NXPH1: variants seen among roughly 807,000 people sequenced by gnomAD.
The protein encoded by NXPH1 is neurexophilin-1.
Under a neutral mutation model 23.7 loss-of-function variants are expected in NXPH1, and 5 were observed. The observed-to-expected ratio is 0.21, with a 90% CI of 0.11 to 0.44. NXPH1 has a LOEUF of 0.44. NXPH1 is among the 20% of genes least tolerant of loss of function. The probability of loss-of-function intolerance (pLI) is 0.99; values close to 1 mark genes in which losing one functional copy is unlikely to be tolerated. For synonymous variants in NXPH1, 144 were observed against 122.2 expected (o/e 1.18, Z -1.18); for missense variants, 324 against 321.6 (o/e 1.01, Z -0.06).
chr7:8,634,929 T>C (rs1349640664), intron 2 of NXPH1, among the ~76,000 whole-genome samples: 1 of 152,162 alleles, frequency 6.6e-6, no homozygotes, highest in Non-Finnish European at 1.5e-5. Context: ...ATAATTTCTG[T>C]ATAACTTTCT....
At chr7:8,746,044 C>A (rs931065167) in intron 2 of NXPH1, among the ~76,000 whole-genome samples, 1 of 152,134 alleles carries the variant, frequency 6.6e-6, no homozygotes, top group African/African-American at 2.4e-5. Flanking sequence ...ACTGTGATGG[C>A]TTAATTGATG....
At chr7:8,477,709 G>A (rs1322609524) in intron 2 of NXPH1, among the ~76,000 whole-genome samples, 3 of 152,136 alleles carry the variant, frequency 2.0e-5, no homozygotes, top group African/African-American at 2.4e-5. Flanking sequence ...GAGGATGGCT[G>A]CATCAGGATC....
intron 2 of NXPH1, among the ~76,000 whole-genome samples, chr7:8,456,100 C>T (rs1563315318): frequency 6.6e-6 from 1 of 152,086 alleles, no homozygotes; most frequent in Non-Finnish European, 1.5e-5. Context: ...AATTGTCTTA[C>T]CTGGGTTACA....
chr7:8,456,543 T>C (rs1013953451), intron 2 of NXPH1, among the ~76,000 whole-genome samples: 5 of 152,180 alleles, frequency 3.3e-5, no homozygotes, highest in Non-Finnish European at 7.4e-5. Flanking sequence ...TGGAATGACA[T>C]CTGCTTCTCT....
intron 2 of NXPH1, among the ~76,000 whole-genome samples, chr7:8,671,965 ATTTG>A (rs1391836017): frequency 6.6e-6 from 1 of 151,948 alleles, no homozygotes; most frequent in Admixed American, 6.6e-5. Flanking sequence ...TTTCTTGTAA[ATTTG>A]TTTGAGTTCA....
chr7:8,556,136 T>C (rs796911321), intron 2 of NXPH1, among the ~76,000 whole-genome samples: 4 of 151,798 alleles, frequency 2.6e-5, no homozygotes, highest in East Asian at 2.0e-4. Context: ...GTTATGGCTA[T>C]TGATCCAAAA....
intron 2 of NXPH1, among the ~76,000 whole-genome samples, chr7:8,454,185 C>G (rs777048264): frequency 2.4e-4 from 36 of 152,084 alleles, no homozygotes; most frequent in Middle Eastern, 3.4e-3. Flanking sequence ...AAACAACTCC[C>G]CATGACACCT....
intron 2 of NXPH1, among the ~76,000 whole-genome samples, chr7:8,749,690 AG>A (rs1179944992): frequency 6.6e-6 from 1 of 152,186 alleles, no homozygotes; most frequent in Non-Finnish European, 1.5e-5. Context: ...CTGGTTCTCC[AG>A]GGGCATGGCA....
chr7:8,506,112 C>T (rs1237143372), intron 2 of NXPH1, among the ~76,000 whole-genome samples: 1 of 152,058 alleles, frequency 6.6e-6, no homozygotes, highest in Non-Finnish European at 1.5e-5. Flanking sequence ...TTTTTAAAAA[C>T]AATTTTATTG....
At chr7:8,735,353 G>C (rs1332726054) in intron 2 of NXPH1, among the ~76,000 whole-genome samples, 1 of 151,758 alleles carries the variant, frequency 6.6e-6, no homozygotes, top group Non-Finnish European at 1.5e-5. Context: ...TAGCATGAAG[G>C]GTTGAGTTTT....
intron 2 of NXPH1, among the ~76,000 whole-genome samples, chr7:8,691,953 G>A (rs1257554754): frequency 2.6e-5 from 4 of 152,038 alleles, no homozygotes; most frequent in Non-Finnish European, 5.9e-5. Context: ...TTAAGCTAAT[G>A]TCTGAGTGAC....
At chr7:8,606,430 T>C (rs1046549762) in intron 2 of NXPH1, among the ~76,000 whole-genome samples, 3 of 152,170 alleles carry the variant, frequency 2.0e-5, no homozygotes, top group African/African-American at 7.2e-5. Context: ...ATGTGATGTA[T>C]TTTGCATTTG....
chr7:8,677,038 G>A (rs1188597415), intron 2 of NXPH1, among the ~76,000 whole-genome samples: 1 of 152,140 alleles, frequency 6.6e-6, no homozygotes, highest in Non-Finnish European at 1.5e-5. Context: ...GTCTCTGAAA[G>A]CATGGTACAG....
chr7:8,438,976 C>T (rs1384564500), intron 2 of NXPH1, among the ~76,000 whole-genome samples: 1 of 152,132 alleles, frequency 6.6e-6, no homozygotes, highest in East Asian at 1.9e-4. Context: ...ACAGGACAAG[C>T]TCCAGCCATA....
intron 2 of NXPH1, among the ~76,000 whole-genome samples, chr7:8,581,089 T>C (rs1818860315): frequency 6.6e-6 from 1 of 152,202 alleles, no homozygotes. Context: ...TAGAAATCTT[T>C]GGTCTACAAT....
intron 2 of NXPH1, among the ~76,000 whole-genome samples, chr7:8,674,990 A>T (rs1257906241): frequency 1.3e-5 from 2 of 152,180 alleles, no homozygotes; most frequent in East Asian, 3.8e-4. Context: ...GTGACAGAGC[A>T]ACCCTGACTA....
intron 2 of NXPH1, among the ~76,000 whole-genome samples, chr7:8,459,826 A>G (rs1816662268): frequency 6.6e-6 from 1 of 152,218 alleles, no homozygotes; most frequent in African/African-American, 2.4e-5. Flanking sequence ...ATAGACCCAG[A>G]TATGCAATAA....
At chr7:8,562,526 GTTC>G in intron 2 of NXPH1, among the ~76,000 whole-genome samples, 1 of 137,946 alleles carries the variant, frequency 7.2e-6, no homozygotes, top group South Asian at 2.2e-4. Context: ...TTTTTTTTTT[GTTC>G]TTTTCTTTTC....
At chr7:8,697,659 GATCATGATTTGAGGAGA>G (rs533970331) in intron 2 of NXPH1, among the ~76,000 whole-genome samples, 1 of 152,284 alleles carries the variant, frequency 6.6e-6, no homozygotes, top group Admixed American at 6.5e-5. Context: ...AGATGGGGAG[GATCATGATTTGAGGAGA>G]ATGAACAAAG....
Sources: gnomAD v4.1 joint callset for allele counts (sites outside exome capture counted in the v4.1 genomes callset) on GRCh38, gnomAD v4.1.1 for gene constraint, MANE v1.5 for transcripts, NCBI Gene and HGNC (gene_info 2026-07-23, HGNC 2026-07-21) for gene names.